NCKAP1: variants seen among roughly 807,000 people sequenced by gnomAD.
NCKAP1 encodes the protein NCK associated protein 1.
In NCKAP1, 21 loss-of-function variants were observed where a neutral mutation model predicts 151.2. The ratio of observed to expected loss-of-function variants is 0.14; its 90% CI spans 0.10 to 0.20. The LOEUF is 0.20. NCKAP1 is among the 10% of genes least tolerant of loss of function. The probability of loss-of-function intolerance (pLI) is 1.00; values close to 1 mark genes in which losing one functional copy is unlikely to be tolerated. For synonymous variants in NCKAP1, 484 were observed against 451.8 expected (o/e 1.07, Z -0.90); for missense variants, 933 against 1,352.1 (o/e 0.69, Z 4.86).
intron 15 of NCKAP1, among the ~76,000 whole-genome samples, chr2:182,970,221 T>C (rs1697658936): frequency 1.3e-5 from 2 of 152,114 alleles, no homozygotes; most frequent in Admixed American, 1.3e-4. Context: ...CTGTTCCAAA[T>C]AATTGAGGAG....
rs543744691 is a variant in NCKAP1, at chr2:182,923,365, C to G, written c.*2337G>C. 1 of 152,030 alleles carries G rather than the reference C, an allele frequency of 6.6e-6. No homozygotes were observed. The highest frequency in any genetic ancestry group is 1.5e-5 in the Non-Finnish European group (1 of 68,028). 9.4% of individuals were successfully genotyped at this position (152,030 alleles called of 1,614,324 possible). On this transcript the variant is annotated 3_prime_UTR_variant, in exon 31 of 31. Transcript: ENST00000361354. ...TCAGCTCACAGCAACCTCCTCCTTC[C>G]GGGTTCAAACAATTCTTCCACCTCA...
intron 9 of NCKAP1, among the ~76,000 whole-genome samples, chr2:182,988,526 A>G (rs1698102872): frequency 6.6e-6 from 1 of 152,202 alleles, no homozygotes; most frequent in Non-Finnish European, 1.5e-5. Context: ...TATTTGCTGA[A>G]CTGGAAATAA....
Position 182,952,523 on chromosome 2 carries a change from T to C in NCKAP1, c.2504-21A>G, listed in dbSNP as rs756747238. 15 of 1,513,702 alleles carry C rather than the reference T, an allele frequency of 9.9e-6. No homozygotes were observed. The East Asian group carries it at 3.2e-4, about 32-fold the overall frequency. 93.8% of individuals were successfully genotyped at this position (1,513,702 alleles called of 1,614,324 possible). A position where few individuals can be genotyped will look rare whatever the true frequency, so the allele number is the denominator to read the frequency against. On this transcript the variant is annotated intron_variant, in intron 22 of 30. Transcript: ENST00000361354. ...CATTTCTGAAAGAAAACATACTTAA[T>C]TTTATACTTCCGACAGAGCAAATAC...
At chr2:182,995,570 G>A (rs10497617) in intron 7 of NCKAP1, 131 bp downstream of exon 7, 189,387 of 819,508 alleles carry the variant, frequency 0.23, 28,854 homozygotes, top group African/African-American at 0.66. Flanking sequence ...GACTTAAGTA[G>A]TGAACATTTT....
chr2:182,999,178 A>G (rs1698331033), intron 6 of NCKAP1, among the ~76,000 whole-genome samples: 1 of 152,194 alleles, frequency 6.6e-6, no homozygotes, highest in African/African-American at 2.4e-5. Flanking sequence ...ACCAAAAAAC[A>G]GCCTGAATAG....
intron 1 of NCKAP1, among the ~76,000 whole-genome samples, chr2:183,031,665 T>TAA (rs1428157200): frequency 3.9e-5 from 6 of 152,338 alleles, no homozygotes; most frequent in Non-Finnish European, 8.8e-5. Context: ...CCTCAGCTCT[T>TAA]ACGCTTGCTA....
chr2:182,950,228 C>A (rs1305355867), intron 23 of NCKAP1, among the ~76,000 whole-genome samples: 31 of 152,068 alleles, frequency 2.0e-4, no homozygotes, highest in Admixed American at 1.9e-3. Flanking sequence ...TAAATGAATT[C>A]AGAGAGACTC....
chr2:182,935,404 G>A (rs1219817774), intron 24 of NCKAP1, 29 bp from the exon 25 acceptor site: 4 of 1,358,792 alleles, frequency 2.9e-6, no homozygotes, highest in Non-Finnish European at 2.0e-6. Flanking sequence ...AAGGAGAAGA[G>A]AATAAAAAAG....
intron 27 of NCKAP1, 54 bp downstream of exon 27, chr2:182,930,641 T>C (rs1296527305): frequency 5.8e-6 from 8 of 1,374,722 alleles, no homozygotes; most frequent in Non-Finnish European, 8.3e-6. Context: ...CCTATACCTA[T>C]GCTGCCCTGG....
intron 1 of NCKAP1, among the ~76,000 whole-genome samples, chr2:183,033,829 T>C (rs1699051357): frequency 6.6e-6 from 1 of 152,176 alleles, no homozygotes; most frequent in South Asian, 2.1e-4. Context: ...TTCAGTAGCT[T>C]ATAAAGTTAT....
At chr2:182,942,406 AAGT>A (rs1455702677) in intron 23 of NCKAP1, among the ~76,000 whole-genome samples, 2 of 152,152 alleles carry the variant, frequency 1.3e-5, no homozygotes, top group African/African-American at 4.8e-5. Flanking sequence ...CAACAAAGGT[AAGT>A]AGTAGGATAA....
chr2:182,973,003 A>C (rs1697731482), intron 15 of NCKAP1, among the ~76,000 whole-genome samples: 1 of 152,114 alleles, frequency 6.6e-6, no homozygotes, highest in Non-Finnish European at 1.5e-5. Flanking sequence ...ATAGTTAATA[A>C]TTTTCTGCAT....
At position 182,986,230 on chromosome 2, in the gene NCKAP1, A is replaced by T; in HGVS notation, c.948-3T>A. Reference sequence around the variant, plus strand: ...TGTCATTAATACGTTTATTATAGCTAGGTGCAAAAACAAATTAGAACGTTA... The same window carrying T: ...TGTCATTAATACGTTTATTATAGCTTGGTGCAAAAACAAATTAGAACGTTA... On this transcript the variant is annotated splice_polypyrimidine_tract_variant and splice_region_variant and intron_variant, in intron 9 of 30. Transcript: ENST00000361354. The T allele has an allele frequency of 4.3e-6, 7 of 1,611,968 alleles. No individual in the cohort carries two copies. Among genetic ancestry groups the T allele is most frequent in the Non-Finnish European group, 5.9e-6 (7 of 1,178,228 alleles).
At chr2:182,979,910 C>T (rs1464951987) in intron 13 of NCKAP1, among the ~76,000 whole-genome samples, 1 of 152,080 alleles carries the variant, frequency 6.6e-6, no homozygotes, top group East Asian at 1.9e-4. Context: ...TGGTAAGATA[C>T]ACTATCAATA....
At chr2:182,952,729 T>A in intron 22 of NCKAP1, 64 bp downstream of exon 22, 1 of 1,456,562 alleles carries the variant, frequency 6.9e-7, no homozygotes, top group Non-Finnish European at 9.2e-7. Context: ...GTCTAAAGAA[T>A]CAAGACACTA....
chr2:182,940,374 A>G (rs1361697476), intron 24 of NCKAP1, among the ~76,000 whole-genome samples: 1 of 152,022 alleles, frequency 6.6e-6, no homozygotes, highest in Admixed American at 6.6e-5. Context: ...TACCACGTCT[A>G]TTTTTTTGTT....
Position 182,921,722 on chromosome 2 carries a change from G to A in NCKAP1, c.*3980C>T, listed in dbSNP as rs1470706632. 6.6e-6 allele frequency: 1 copy of A among 152,136 alleles called. No homozygotes were observed. The highest frequency in any genetic ancestry group is 2.4e-5 in the African/African-American group (1 of 41,436). 9.4% of individuals were successfully genotyped at this position (152,136 alleles called of 1,614,324 possible). A position where few individuals can be genotyped will look rare whatever the true frequency, so the allele number is the denominator to read the frequency against. On this transcript the variant is annotated 3_prime_UTR_variant, in exon 31 of 31. Transcript: ENST00000361354. Reference sequence around the variant, plus strand: ...AATGACAGGCTGAATACTTTTATTGGAAATGAAACATTCCAGAGTTAGACA... The same window carrying A: ...AATGACAGGCTGAATACTTTTATTGAAAATGAAACATTCCAGAGTTAGACA...
rs1006075955 is a variant in NCKAP1 at position 183,024,003 on chromosome 2, A to G, written c.109-87T>C. 9.6e-6 allele frequency: 10 copies of G among 1,046,972 alleles called. 1 individual carries two copies. The highest frequency in any genetic ancestry group is 8.5e-5 in the South Asian group (6 of 70,258). 64.9% of individuals were successfully genotyped at this position (1,046,972 alleles called of 1,614,324 possible). A position where few individuals can be genotyped will look rare whatever the true frequency, so the allele number is the denominator to read the frequency against. On this transcript the variant is annotated intron_variant, in intron 1 of 30. Transcript: ENST00000361354. ...AAATCTGCAATTAGAAATTAAAGAG[A>G]TATTTATTGTTTTTGGTGAGCAGGT...
In NCKAP1 at chr2:182,957,356, A is replaced by C. The variant is rs908652978; in HGVS notation, c.2021+101T>G. The stretch of plus-strand genomic sequence containing the variant: ...TTTTAAAATGGCTGGAAAATGAAGA[A>C]TATACAATTATTAGCATTTCCTCAG... On this transcript the variant is annotated intron_variant, in intron 19 of 30. Coordinates refer to ENST00000361354, the MANE Select transcript of NCKAP1 (RefSeq NM_013436.5). 5.0e-6 allele frequency: 6 copies of C among 1,191,700 alleles called. No individual in the cohort carries two copies. The Admixed American group carries it at 1.1e-4, about 22-fold the overall frequency. The allele number at this position is 1,191,700 out of a possible 1,614,324, so 73.8% of individuals were successfully genotyped here.
Sources: gnomAD v4.1 joint callset for allele counts (sites outside exome capture counted in the v4.1 genomes callset) on GRCh38, gnomAD v4.1.1 for gene constraint, MANE v1.5 for transcripts, NCBI Gene and HGNC (gene_info 2026-07-23, HGNC 2026-07-21) for gene names.